The following AK5 variants were observed in gnomAD, a reference collection of about 807,000 sequenced individuals.
AK5 encodes the protein adenylate kinase 5, also known as adenylate kinase isoenzyme 5.
A neutral mutation model predicts 69.5 loss-of-function variants in AK5; 27 were observed. That is an observed-to-expected ratio of 0.39 (90% confidence interval 0.29 to 0.54). AK5 has a LOEUF of 0.54. AK5 is among the 20% of genes least tolerant of loss of function. The probability of loss-of-function intolerance (pLI) is 0.71; values close to 1 mark genes in which losing one functional copy is unlikely to be tolerated. For missense variants in AK5, 531 were observed against 700.4 expected, an observed-to-expected ratio of 0.76 and a Z score of 2.73; for synonymous variants, 260 against 244.4, an observed-to-expected ratio of 1.06 and a Z score of -0.60.
chr1:77,311,623 A>G (rs1323656852), intron 5 of AK5, among the ~76,000 whole-genome samples: 1 of 152,108 alleles, frequency 6.6e-6, no homozygotes, highest in African/African-American at 2.4e-5. Flanking sequence ...TAAACACTCC[A>G]TAGATTTATA....
At chr1:77,505,090 T>G (rs1414715203) in intron 10 of AK5, among the ~76,000 whole-genome samples, 1 of 152,248 alleles carries the variant, frequency 6.6e-6, no homozygotes, top group Non-Finnish European at 1.5e-5. Flanking sequence ...TGTGCCCGTT[T>G]TATGTTCCCA....
At chr1:77,513,303 C>T (rs922623844) in intron 10 of AK5, among the ~76,000 whole-genome samples, 7 of 152,166 alleles carry the variant, frequency 4.6e-5, no homozygotes, top group Admixed American at 1.3e-4. Context: ...TGTTTACAGC[C>T]CCCACTCATA....
chr1:77,486,602 G>A (rs971648032), intron 10 of AK5, among the ~76,000 whole-genome samples: 26 of 151,852 alleles, frequency 1.7e-4, no homozygotes, highest in African/African-American at 5.8e-4. Context: ...GGAGGCTGAG[G>A]CAGGAGAATG....
chr1:77,494,748 T>A (rs982051597), intron 10 of AK5, among the ~76,000 whole-genome samples: 1 of 152,012 alleles, frequency 6.6e-6, no homozygotes, highest in Admixed American at 6.6e-5. Context: ...GGTGACTTAC[T>A]GTGTTCCAGA....
chr1:77,340,603 G>A (rs1252403272), intron 6 of AK5, 35 bp downstream of exon 6: 1 of 1,586,176 alleles, frequency 6.3e-7, no homozygotes, highest in East Asian at 2.2e-5. Context: ...TCCAATACAA[G>A]AGCGCTCTTT....
At chr1:77,365,541 G>T (rs1170409143) in intron 6 of AK5, among the ~76,000 whole-genome samples, 1 of 152,230 alleles carries the variant, frequency 6.6e-6, no homozygotes, top group Non-Finnish European at 1.5e-5. Flanking sequence ...TTTCCATGGG[G>T]TTGGGGGATT....
chr1:77,338,498 T>C (rs576787488), intron 5 of AK5, among the ~76,000 whole-genome samples: 33 of 152,330 alleles, frequency 2.2e-4, no homozygotes, highest in Non-Finnish European at 4.3e-4. Context: ...AATAGAGCTG[T>C]CACATAGACA....
intron 10 of AK5, among the ~76,000 whole-genome samples, chr1:77,498,658 G>C (rs1656510352): frequency 6.6e-6 from 1 of 152,178 alleles, no homozygotes; most frequent in Non-Finnish European, 1.5e-5. Context: ...AGGGCTCCTA[G>C]TGAATACAAA....
At chr1:77,339,642 A>ATATTTTTTTTTTTTTTTTT (rs1457345725) in intron 5 of AK5, among the ~76,000 whole-genome samples, 1 of 124,018 alleles carries the variant, frequency 8.1e-6, no homozygotes. Flanking sequence ...ATTTAGCAAT[A>ATATTTTTTTTTTTTTTTTT]TCTTTTTTTT....
chr1:77,328,842 C>G (rs1019151812), intron 5 of AK5, among the ~76,000 whole-genome samples: 2 of 152,146 alleles, frequency 1.3e-5, no homozygotes, highest in African/African-American at 4.8e-5. Flanking sequence ...GCTGTTATAA[C>G]AATACCACAG....
intron 2 of AK5, among the ~76,000 whole-genome samples, chr1:77,290,833 G>A (rs1658646804): frequency 6.6e-6 from 1 of 152,230 alleles, no homozygotes; most frequent in South Asian, 2.1e-4. Context: ...CAACCACCAG[G>A]AAAGAACAGA....
At chr1:77,385,308 C>G (rs534605184) in intron 6 of AK5, among the ~76,000 whole-genome samples, 1 of 151,902 alleles carries the variant, frequency 6.6e-6, no homozygotes. Flanking sequence ...TACAGGTGCC[C>G]GCCACCACGC....
At position 77,483,353 on chromosome 1, in the gene AK5, A is replaced by G. The variant is rs769202282; in HGVS notation, c.1096A>G (p.Met366Val). The G allele has an allele frequency of 1.2e-5, 19 of 1,612,286 alleles. No homozygotes were observed. Among genetic ancestry groups the G allele is most frequent in the Non-Finnish European group, 1.5e-5 (18 of 1,178,490 alleles). Reference protein sequence around the residue: ...DQLNVFGEDTMGGFMEDLRKC... With the variant: ...DQLNVFGEDTVGGFMEDLRKC... ...GTTAAATGTATTTGGAGAGGACACT[A>G]TGGGAGGTGAGTTTTCCTTACTGAT... The change falls in exon 9 of 14, where the codon ATG becomes GTG. Residue 366 changes from methionine (M) to valine (V), a missense_variant. Physicochemically the swap from Met to Val is conservative, Grantham distance 21. Coordinates refer to ENST00000354567, the MANE Select transcript of AK5 (RefSeq NM_174858.3).
intron 8 of AK5, among the ~76,000 whole-genome samples, chr1:77,470,875 A>ATATATTTTTTT (rs1557615886): frequency 1.3e-5 from 1 of 74,972 alleles, no homozygotes; most frequent in African/African-American, 6.7e-5. Flanking sequence ...ATATATATAT[A>ATATATTTTTTT]TTTTTTTTTT....
intron 5 of AK5, among the ~76,000 whole-genome samples, chr1:77,317,871 G>T (rs976823615): frequency 4.6e-5 from 7 of 152,192 alleles, no homozygotes; most frequent in African/African-American, 1.7e-4. Flanking sequence ...CTGGTGAGCG[G>T]AACCCAAGAA....
intron 12 of AK5, among the ~76,000 whole-genome samples, chr1:77,526,198 T>C (rs1458810755): frequency 6.6e-6 from 1 of 152,148 alleles, no homozygotes; most frequent in Non-Finnish European, 1.5e-5. Context: ...AATCAAGGCC[T>C]GTGCAGGGCT....
At chr1:77,516,104 T>TA (rs898009866) in intron 10 of AK5, among the ~76,000 whole-genome samples, 21 of 151,736 alleles carry the variant, frequency 1.4e-4, no homozygotes, top group African/African-American at 4.1e-4. Context: ...GATGAATGGG[T>TA]AAAAAAATGT....
intron 9 of AK5, among the ~76,000 whole-genome samples, chr1:77,485,122 T>A (rs147924267): frequency 2.6e-5 from 4 of 152,362 alleles, no homozygotes; most frequent in African/African-American, 9.6e-5. Flanking sequence ...TGTATCTGCC[T>A]TTAATAGAAA....
chr1:77,456,920 T>TAAA (rs149961601), intron 8 of AK5, among the ~76,000 whole-genome samples: 55 of 135,428 alleles, frequency 4.1e-4, no homozygotes, highest in East Asian at 1.7e-3. Context: ...AGTAGTTTCC[T>TAAA]TAAAAAAAAA....
Sources: allele counts gnomAD v4.1 joint callset (sites outside exome capture counted in the v4.1 genomes callset), GRCh38; gene constraint gnomAD v4.1.1; transcripts MANE v1.5; gene names NCBI Gene and HGNC (gene_info 2026-07-23, HGNC 2026-07-21).